NKAIN2: variants seen among roughly 807,000 people sequenced by gnomAD.
The protein encoded by NKAIN2 is sodium/potassium transporting ATPase interacting 2.
A neutral mutation model predicts 32.6 loss-of-function variants in NKAIN2; 14 were observed. The observed-to-expected ratio is 0.43, with a 90% CI of 0.28 to 0.67. The LOEUF is 0.67. Among genes scored for constraint, NKAIN2 ranks in the 30% least tolerant of loss-of-function variants. NKAIN2 has a pLI of 0.17. For synonymous variants in NKAIN2, 80 were observed against 87.2 expected (o/e 0.92, Z 0.46); for missense variants, 198 against 258.3 (o/e 0.77, Z 1.60).
At chr6:123,986,777 A>T (rs937604685) in intron 1 of NKAIN2, among the ~76,000 whole-genome samples, 3 of 152,170 alleles carry the variant, frequency 2.0e-5, no homozygotes, top group African/African-American at 7.2e-5. Context: ...GTATAAGTCA[A>T]GTTGCCTAGC....
At chr6:124,688,260 G>C (rs949843537) in intron 4 of NKAIN2, among the ~76,000 whole-genome samples, 2 of 151,978 alleles carry the variant, frequency 1.3e-5, no homozygotes, top group African/African-American at 4.8e-5. Context: ...CTTGAAATCT[G>C]AATGTATCTT....
chr6:123,842,869 T>C (rs1231163422), intron 1 of NKAIN2, among the ~76,000 whole-genome samples: 1 of 152,160 alleles, frequency 6.6e-6, no homozygotes, highest in Admixed American at 6.5e-5. Context: ...CTGGTCCAGT[T>C]CTTTATGTGA....
chr6:124,306,033 C>G (rs1368266961), intron 2 of NKAIN2, among the ~76,000 whole-genome samples: 1 of 152,142 alleles, frequency 6.6e-6, no homozygotes, highest in Non-Finnish European at 1.5e-5. Flanking sequence ...CTCACCCTCA[C>G]CTCTCCACTA....
intron 1 of NKAIN2, among the ~76,000 whole-genome samples, chr6:123,901,546 T>C (rs990261509): frequency 6.6e-6 from 1 of 152,196 alleles, no homozygotes; most frequent in African/African-American, 2.4e-5. Flanking sequence ...AAGATTCCTG[T>C]CACTGCCACA....
chr6:124,066,100 G>C (rs1367794692), intron 1 of NKAIN2, among the ~76,000 whole-genome samples: 1 of 152,026 alleles, frequency 6.6e-6, no homozygotes, highest in Non-Finnish European at 1.5e-5. Flanking sequence ...ACTATCTCCA[G>C]GTCTCAGGAG....
chr6:124,135,635 C>A (rs1307467303), intron 1 of NKAIN2, among the ~76,000 whole-genome samples: 3 of 149,286 alleles, frequency 2.0e-5, no homozygotes, highest in Non-Finnish European at 4.4e-5. Context: ...ATTCATAAAA[C>A]AATTATTATC....
intron 1 of NKAIN2, among the ~76,000 whole-genome samples, chr6:124,099,495 T>A (rs1784785039): frequency 2.0e-5 from 3 of 152,228 alleles, no homozygotes; most frequent in Admixed American, 2.0e-4. Context: ...TAATTATATA[T>A]ACCAATGTAA....
At chr6:124,023,623 A>C (rs556374455) in intron 1 of NKAIN2, among the ~76,000 whole-genome samples, 1 of 152,286 alleles carries the variant, frequency 6.6e-6, no homozygotes, top group South Asian at 2.1e-4. Context: ...CAGTAATAAT[A>C]TATTTTAAAT....
chr6:124,291,409 T>A (rs1795809695), intron 2 of NKAIN2, among the ~76,000 whole-genome samples: 1 of 152,088 alleles, frequency 6.6e-6, no homozygotes, highest in East Asian at 1.9e-4. Flanking sequence ...GAAAATCATA[T>A]TCAATGTATG....
intron 1 of NKAIN2, among the ~76,000 whole-genome samples, chr6:123,950,367 G>A (rs988868371): frequency 6.6e-6 from 1 of 151,964 alleles, no homozygotes; most frequent in African/African-American, 2.4e-5. Flanking sequence ...AACAGTTTGA[G>A]AATTGGTGCT....
At chr6:124,077,441 C>T (rs1783743893) in intron 1 of NKAIN2, among the ~76,000 whole-genome samples, 1 of 152,156 alleles carries the variant, frequency 6.6e-6, no homozygotes, top group South Asian at 2.1e-4. Flanking sequence ...GAAGGAGCAA[C>T]TTCACTGGAA....
chr6:124,565,280 A>T (rs992802511), intron 3 of NKAIN2, among the ~76,000 whole-genome samples: 1 of 152,232 alleles, frequency 6.6e-6, no homozygotes, highest in East Asian at 1.9e-4. Context: ...GACAACAACC[A>T]CAATGTCAGT....
intron 3 of NKAIN2, among the ~76,000 whole-genome samples, chr6:124,407,820 A>G (rs1489935927): frequency 1.3e-5 from 2 of 150,602 alleles, no homozygotes; most frequent in Admixed American, 6.6e-5. Flanking sequence ...CAACAGTGTA[A>G]AAGTGTTCCT....
intron 1 of NKAIN2, among the ~76,000 whole-genome samples, chr6:124,200,961 T>C (rs373383725): frequency 3.4e-4 from 51 of 152,156 alleles, no homozygotes; most frequent in African/African-American, 1.2e-3. Context: ...GGGTGCAAAT[T>C]ATGTTGCCAG....
At chr6:124,126,534 T>C (rs1431191381) in intron 1 of NKAIN2, among the ~76,000 whole-genome samples, 1 of 152,214 alleles carries the variant, frequency 6.6e-6, no homozygotes, top group South Asian at 2.1e-4. Flanking sequence ...CATGGTCTTA[T>C]TGAAAGCCAC....
At chr6:124,713,815 C>T (rs747524427) in intron 4 of NKAIN2, among the ~76,000 whole-genome samples, 4 of 152,116 alleles carry the variant, frequency 2.6e-5, no homozygotes, top group Non-Finnish European at 5.9e-5. Context: ...AGAACTATCC[C>T]AAAATATAAT....
At chr6:124,514,409 T>C (rs1220812869) in intron 3 of NKAIN2, among the ~76,000 whole-genome samples, 2 of 152,166 alleles carry the variant, frequency 1.3e-5, no homozygotes, top group African/African-American at 4.8e-5. Context: ...GCAGTGACTC[T>C]TTCGTTTACA....
chr6:124,597,104 A>ATGT (rs925373404), intron 3 of NKAIN2, among the ~76,000 whole-genome samples: 17 of 152,284 alleles, frequency 1.1e-4, no homozygotes, highest in African/African-American at 4.1e-4. Context: ...TCTGACTCAA[A>ATGT]TGTTAATCTC....
intron 3 of NKAIN2, among the ~76,000 whole-genome samples, chr6:124,414,350 T>C (rs531668772): frequency 5.9e-5 from 9 of 152,296 alleles, no homozygotes; most frequent in African/African-American, 2.2e-4. Context: ...AACAGATGCT[T>C]GCTACTGTAT....
Sources: allele counts gnomAD v4.1 joint callset (sites outside exome capture counted in the v4.1 genomes callset), GRCh38; gene constraint gnomAD v4.1.1; transcripts MANE v1.5; gene names NCBI Gene and HGNC (gene_info 2026-07-23, HGNC 2026-07-21).